Variants in ASXL1 observed in about 807,000 individuals in gnomAD.
ASXL1 encodes ASXL transcriptional regulator 1.
In ASXL1, 65 loss-of-function variants were observed where a neutral mutation model predicts 89.1. The ratio of observed to expected loss-of-function variants is 0.73; its 90% confidence interval spans 0.60 to 0.90. ASXL1 has a LOEUF of 0.90. ASXL1 is among the 40% of genes least tolerant of loss of function. The pLI, the probability that ASXL1 is intolerant of heterozygous loss-of-function variation, is 0.00. For missense variants in ASXL1, 1,786 were observed against 1,942.9 expected, an observed-to-expected ratio of 0.92 and a Z score of 1.52; for synonymous variants, 739 against 746.9, an observed-to-expected ratio of 0.99 and a Z score of 0.17.
At chr20:32,386,398 A>G (rs2048578783) in intron 4 of ASXL1, among the ~76,000 whole-genome samples, 1 of 151,768 alleles carries the variant, frequency 6.6e-6, no homozygotes, top group African/African-American at 2.4e-5. Context: ...TTTTTTTCTC[A>G]AAAGAAAACA....
chr20:32,411,557 T>TAA (rs71336576), intron 4 of ASXL1, among the ~76,000 whole-genome samples: 3,579 of 133,538 alleles, frequency 0.027, 66 homozygotes, highest in Non-Finnish European at 0.042. Context: ...TTTTTTTTTT[T>TAA]AAAATATGAA....
Position 32,435,953 on chromosome 20 carries a change from C to T in ASXL1, c.3241C>T (p.Leu1081=), listed in dbSNP as rs2145379172. 2 of 1,614,116 alleles carry T rather than the reference C, an allele frequency of 1.2e-6. No individual in the cohort carries two copies. Among genetic ancestry groups the T allele is most frequent in the Non-Finnish European group, 1.7e-6 (2 of 1,179,964 alleles). Residue 1081 remains leucine, a synonymous_variant, in exon 13 of 13, where the codon CTG becomes TTG. Coordinates refer to ENST00000375687, the MANE Select transcript of ASXL1 (RefSeq NM_015338.6). The part of the protein sequence containing the change: ...AVRQKIPDSL[L]LASTEYQPRA... ...CCGCCAAAAGATCCCAGATTCCCTA[C>T]TGCTGGCCAGTACTGAGTACCAGCC...
intron 4 of ASXL1, among the ~76,000 whole-genome samples, chr20:32,398,600 TTTG>T (rs2048809608): frequency 1.6e-5 from 1 of 64,256 alleles, no homozygotes; most frequent in Non-Finnish European, 4.4e-5. Context: ...GTTTTTTTTG[TTTG>T]TTTTTTTTTT....
Position 32,428,227 on chromosome 20 carries a change from A to G in ASXL1, c.352A>G (p.Thr118Ala). The change falls in exon 5 of 13, where the codon ACT becomes GCT. Residue 118 changes from threonine to alanine, a missense_variant. Thr to Ala is a moderately conservative substitution (Grantham distance 58). Transcript: ENST00000375687. ...GAGCTGTGGGTCTAATGAAGCCAGC[A>G]CTGTGAGTGGTGAAAACGATGGTAA... Reference protein sequence around the residue: ...VESCGSNEASTVSGENDVSLD... With the variant: ...VESCGSNEASAVSGENDVSLD... The G allele has an allele frequency of 1.2e-6, 2 of 1,614,200 alleles. No individual in the cohort carries two copies. The highest frequency in any genetic ancestry group is 1.7e-6 in the Non-Finnish European group (2 of 1,180,030).
intron 4 of ASXL1, among the ~76,000 whole-genome samples, chr20:32,384,212 T>G (rs544757369): frequency 4.3e-5 from 6 of 141,040 alleles, no homozygotes; most frequent in Admixed American, 6.9e-5. Context: ...TTTTTTTTTT[T>G]TTTTTTTTTT....
intron 12 of ASXL1, 147 bp downstream of exon 12, chr20:32,434,064 A>G (rs2011633739): frequency 1.7e-6 from 2 of 1,153,392 alleles, no homozygotes; most frequent in Non-Finnish European, 2.5e-6. Flanking sequence ...GACAGCCTTC[A>G]AGTTTAGTGA....
At chr20:32,413,913 A>G (rs979400486) in intron 4 of ASXL1, among the ~76,000 whole-genome samples, 6 of 152,176 alleles carry the variant, frequency 3.9e-5, no homozygotes, top group African/African-American at 1.4e-4. Context: ...TCTAGAGAAC[A>G]GGTGCCTAGG....
At chr20:32,373,756 AC>A (rs1370963760) in intron 4 of ASXL1, among the ~76,000 whole-genome samples, 2 of 151,528 alleles carry the variant, frequency 1.3e-5, no homozygotes, top group Non-Finnish European at 2.9e-5. Flanking sequence ...AATTCCAGGT[AC>A]TTGGGGAGGC....
chr20:32,364,652 C>T (rs1199140795), intron 1 of ASXL1, among the ~76,000 whole-genome samples: 3 of 152,228 alleles, frequency 2.0e-5, no homozygotes, highest in Non-Finnish European at 4.4e-5. Flanking sequence ...GACCCTCCTG[C>T]CTCAGTCTCA....
chr20:32,433,048 C>T, intron 11 of ASXL1, 63 bp downstream of exon 11: 1 of 1,599,230 alleles, frequency 6.3e-7, no homozygotes, highest in Non-Finnish European at 8.5e-7. Context: ...TAGATGGTCT[C>T]AAAATAGCAT....
chr20:32,419,746 A>G (rs1360201954), intron 4 of ASXL1, among the ~76,000 whole-genome samples: 10 of 147,282 alleles, frequency 6.8e-5, no homozygotes, highest in Non-Finnish European at 1.5e-4. Context: ...CAGTGGCACC[A>G]TGTCAGCTCA....
rs2011620994 is a variant in ASXL1, at chr20:32,433,822, C to CTTGAAGA, written c.1626_1632dup (p.Arg545Ter). Reference sequence around the variant, plus strand: ...ATCCTTTCCCGAAAAGAAGCCCCGGCTTGAAGATCGTCAGTCCTTTCGTAA... The same window carrying CTTGAAGA: ...ATCCTTTCCCGAAAAGAAGCCCCGGCTTGAAGATTGAAGATCGTCAGTCCTTTCGTAA... On this transcript the variant is annotated frameshift_variant, in exon 12 of 13. Coordinates refer to ENST00000375687, the MANE Select transcript of ASXL1 (RefSeq NM_015338.6). LOFTEE classifies it high-confidence loss of function. 1 of 1,614,028 alleles carries CTTGAAGA rather than the reference C, an allele frequency of 6.2e-7. No homozygotes were observed. The highest frequency in any genetic ancestry group is 8.5e-7 in the Non-Finnish European group (1 of 1,180,042).
At chr20:32,413,156 C>G (rs933957912) in intron 4 of ASXL1, among the ~76,000 whole-genome samples, 2 of 152,220 alleles carry the variant, frequency 1.3e-5, no homozygotes, top group Non-Finnish European at 2.9e-5. Flanking sequence ...GCAAAATACT[C>G]TCTGAGGCAC....
chr20:32,423,736 T>G (rs1271377960), intron 4 of ASXL1, among the ~76,000 whole-genome samples: 2 of 151,016 alleles, frequency 1.3e-5, no homozygotes, highest in Non-Finnish European at 3.0e-5. Flanking sequence ...TTAAGTAGAG[T>G]CAGGGTTTCA....
At chr20:32,381,464 A>T (rs1347543536) in intron 4 of ASXL1, among the ~76,000 whole-genome samples, 1 of 151,636 alleles carries the variant, frequency 6.6e-6, no homozygotes, top group African/African-American at 2.4e-5. Context: ...AGCCTCCCAA[A>T]ATGCTGAGAT....
chr20:32,367,938 G>A (rs2048233829), intron 3 of ASXL1, among the ~76,000 whole-genome samples: 1 of 152,176 alleles, frequency 6.6e-6, no homozygotes, highest in Non-Finnish European at 1.5e-5. Flanking sequence ...ACACCCACTT[G>A]ATACTCCAGA....
chr20:32,376,860 ATAATTATATG>A (rs2048388868), intron 4 of ASXL1, among the ~76,000 whole-genome samples: 1 of 136,148 alleles, frequency 7.3e-6, no homozygotes, highest in Non-Finnish European at 1.6e-5. Flanking sequence ...TATATAATAT[ATAATTATATG>A]TTATATATTT....
chr20:32,419,199 G>A (rs551134821), intron 4 of ASXL1, among the ~76,000 whole-genome samples: 7 of 151,118 alleles, frequency 4.6e-5, no homozygotes, highest in Admixed American at 4.6e-4. Flanking sequence ...TTTATTTAGG[G>A]TTTGTTTGTT....
In ASXL1 at chr20:32,392,981, C is replaced by G. The variant is rs141886540; in HGVS notation, c.252+23858C>G. Among the ~76,000 whole-genome samples the G allele has an allele frequency of 2.5e-4, 38 of 152,192 alleles. No homozygotes were observed. In the East Asian group the frequency reaches 4.8e-3, roughly 19 times the overall value. On this transcript the variant is annotated intron_variant, in intron 4 of 12. Coordinates refer to ENST00000375687, the MANE Select transcript of ASXL1 (RefSeq NM_015338.6). ...AGAGCATTCTATTAATGTTGATTGGCTTGTTGATTGATAATGTTCAAGTCT... is the reference window on the plus strand; with the variant it reads ...AGAGCATTCTATTAATGTTGATTGGGTTGTTGATTGATAATGTTCAAGTCT...
Sources: allele counts gnomAD v4.1 joint callset (sites outside exome capture counted in the v4.1 genomes callset), GRCh38; gene constraint gnomAD v4.1.1; transcripts MANE v1.5; gene names NCBI Gene and HGNC (gene_info 2026-07-23, HGNC 2026-07-21).